The following SRGAP3 variants were observed in gnomAD, a reference collection of about 807,000 sequenced individuals.
The protein encoded by SRGAP3 is SLIT-ROBO Rho GTPase activating protein 3, also known as SLIT-ROBO Rho GTPase-activating protein 3.
A neutral mutation model predicts 121.1 loss-of-function variants in SRGAP3; 39 were observed. The ratio of observed to expected loss-of-function variants is 0.32; its 90% CI spans 0.25 to 0.42. SRGAP3 has a LOEUF of 0.42. Among genes scored for constraint, SRGAP3 ranks in the 10% least tolerant of loss-of-function variants. The pLI, the probability that SRGAP3 is intolerant of heterozygous loss-of-function variation, is 1.00. For synonymous variants in SRGAP3, 601 were observed against 570.0 expected, an observed-to-expected ratio of 1.05 and a Z score of -0.77; for missense variants, 1,213 against 1,470.6, an observed-to-expected ratio of 0.82 and a Z score of 2.86.
intron 13 of SRGAP3, 68 bp from the exon 14 acceptor site, chr3:9,025,406 G>A: frequency 6.8e-7 from 1 of 1,477,906 alleles, no homozygotes; most frequent in South Asian, 1.1e-5. Context: ...AGACTACCGG[G>A]AATATCAGTG....
At chr3:9,240,458 T>C (rs1953587014) in intron 1 of SRGAP3, among the ~76,000 whole-genome samples, 1 of 152,096 alleles carries the variant, frequency 6.6e-6, no homozygotes, top group African/African-American at 2.4e-5. Flanking sequence ...CCTCCTGACC[T>C]CACCAATCCT....
rs539510268 is a variant in SRGAP3, at chr3:9,161,337, C to G, written c.68-36420G>C. Among the ~76,000 whole-genome samples the G allele has an allele frequency of 3.3e-3, 496 of 152,352 alleles. 5 individuals are homozygous for G. The highest frequency in any genetic ancestry group is 5.8e-3 in the Non-Finnish European group (393 of 68,032). ...CTCCCATGGGCCAGTGCCTCTCTTG[C>G]TCATCGCTTTATCCCCAACAGTGGT... On this transcript the variant is annotated intron_variant, in intron 1 of 21. Transcript: ENST00000383836.
At chr3:9,114,649 G>C (rs1166994855) in intron 2 of SRGAP3, among the ~76,000 whole-genome samples, 1 of 151,966 alleles carries the variant, frequency 6.6e-6, no homozygotes, top group Non-Finnish European at 1.5e-5. Context: ...ATGGATTCTT[G>C]GTATCAGAGC....
chr3:9,270,544 T>G (rs950175331), intron 3 of SRGAP3, among the ~76,000 whole-genome samples: 4 of 152,212 alleles, frequency 2.6e-5, no homozygotes, highest in African/African-American at 9.6e-5. Context: ...TTAATATCCC[T>G]GTTTCTCTCT....
chr3:9,247,604 T>C (rs1330538278), intron 1 of SRGAP3, among the ~76,000 whole-genome samples: 1 of 152,154 alleles, frequency 6.6e-6, no homozygotes. Flanking sequence ...CCCTGGGTCA[T>C]TGGGTCTTCA....
chr3:9,184,948 G>A (rs1951549609), intron 1 of SRGAP3, among the ~76,000 whole-genome samples: 1 of 152,154 alleles, frequency 6.6e-6, no homozygotes, highest in Non-Finnish European at 1.5e-5. Flanking sequence ...TTGTTCCCAA[G>A]CCCTGGGCTG....
chr3:9,068,673 T>C (rs1433819286), intron 4 of SRGAP3, among the ~76,000 whole-genome samples: 1 of 152,238 alleles, frequency 6.6e-6, no homozygotes, highest in Non-Finnish European at 1.5e-5. Flanking sequence ...ACCTGATACA[T>C]GGGCTTCAGC....
chr3:9,262,534 C>CAAAAAAAAAAAAAAAAAA lies in SRGAP3; in HGVS notation n.442+63458_442+63475dup, dbSNP rs765408588. Among the ~76,000 whole-genome samples the CAAAAAAAAAAAAAAAAAA allele has an allele frequency of 9.8e-4, 25 of 25,564 alleles. 6 individuals carry two copies. Among genetic ancestry groups the CAAAAAAAAAAAAAAAAAA allele is most frequent in the Non-Finnish European group, 1.4e-3 (19 of 13,266 alleles). The allele number at this position is 25,564 out of a possible 152,430, so 16.8% of individuals were successfully genotyped here. On this transcript the variant is annotated intron_variant and non_coding_transcript_variant, in intron 3 of 3. Transcript: ENST00000490889. ...GAAGATTTACCAAGCAAATGGAAAG[C>CAAAAAAAAAAAAAAAAAA]AAAAAAAAAAAAAAAAAAAAAAGCA...
At chr3:9,148,943 T>C (rs1950116722) in intron 1 of SRGAP3, among the ~76,000 whole-genome samples, 1 of 152,030 alleles carries the variant, frequency 6.6e-6, no homozygotes, top group Non-Finnish European at 1.5e-5. Context: ...AGACTGGGTA[T>C]GGGGGCTCAC....
chr3:9,015,037 T>C (rs371895565), intron 15 of SRGAP3, among the ~76,000 whole-genome samples: 5 of 152,296 alleles, frequency 3.3e-5, no homozygotes, highest in African/African-American at 1.2e-4. Context: ...TTCTCACAAC[T>C]AACTAGCAAT....
chr3:9,000,338 T>G (rs934182908), intron 18 of SRGAP3, among the ~76,000 whole-genome samples: 4 of 152,292 alleles, frequency 2.6e-5, no homozygotes, highest in African/African-American at 9.6e-5. Flanking sequence ...GAGGTGGTGG[T>G]TGCATGGCAG....
chr3:9,321,424 C>T (rs181460888), intron 3 of SRGAP3, among the ~76,000 whole-genome samples: 6 of 151,886 alleles, frequency 4.0e-5, no homozygotes, highest in Non-Finnish European at 5.9e-5. Context: ...AAGGACAAAA[C>T]AGTGAATGGT....
chr3:9,265,994 T>C (rs71533886), intron 3 of SRGAP3, among the ~76,000 whole-genome samples: 1 of 152,194 alleles, frequency 6.6e-6, no homozygotes, highest in African/African-American at 2.4e-5. Flanking sequence ...AATGATAGAC[T>C]GGATAAAGAA....
chr3:9,064,372 TC>T, intron 5 of SRGAP3, 23 bp downstream of exon 5: 1 of 1,614,044 alleles, frequency 6.2e-7, no homozygotes, highest in African/African-American at 1.3e-5. Flanking sequence ...CCCCAATCGC[TC>T]CCAGCCCAGG....
In SRGAP3 at chr3:8,983,589, T is replaced by C. The variant is rs1941532216; in HGVS notation, c.*1930A>G. 4 of 231,342 alleles carry C rather than the reference T, an allele frequency of 1.7e-5. No homozygotes were observed. The South Asian group carries it at 7.3e-4, about 42-fold the overall frequency. The allele number at this position is 231,342 out of a possible 1,614,324, so 14.3% of individuals were successfully genotyped here. ...AAATGTTAATGATGGAATCCAGGGC[T>C]CTTATTAGGATGGCAGGAAAATTCC... On this transcript the variant is annotated 3_prime_UTR_variant, in exon 22 of 22. Coordinates refer to ENST00000383836, the MANE Select transcript of SRGAP3 (RefSeq NM_014850.4).
chr3:9,074,139 G>A (rs1196418024), intron 4 of SRGAP3, among the ~76,000 whole-genome samples: 5 of 152,228 alleles, frequency 3.3e-5, no homozygotes, highest in Admixed American at 1.3e-4. Flanking sequence ...GGGAAACGAA[G>A]GAGGAGGTGG....
intron 3 of SRGAP3, among the ~76,000 whole-genome samples, chr3:9,277,015 G>A (rs1574965596): frequency 6.6e-6 from 1 of 152,308 alleles, no homozygotes; most frequent in Admixed American, 6.5e-5. Flanking sequence ...ATGTGGCCTT[G>A]GGCAAGTCAC....
At chr3:9,025,418 C>T (rs1409936492) in intron 13 of SRGAP3, 80 bp from the exon 14 acceptor site, 2 of 1,403,698 alleles carry the variant, frequency 1.4e-6, no homozygotes, top group Non-Finnish European at 2.0e-6. Flanking sequence ...ATATCAGTGA[C>T]TCTCCCCATT....
intron 18 of SRGAP3, chr3:9,007,951 G>T (rs936802398): frequency 6.6e-6 from 1 of 152,166 alleles, no homozygotes; most frequent in Admixed American, 6.5e-5. Context: ...GAGTGCCCCT[G>T]ATTCAATACC....
Sources: allele counts gnomAD v4.1 joint callset (sites outside exome capture counted in the v4.1 genomes callset), GRCh38; gene constraint gnomAD v4.1.1; transcripts MANE v1.5; gene names NCBI Gene and HGNC (gene_info 2026-07-23, HGNC 2026-07-21).